Variants in ACAD11 observed in about 807,000 individuals in gnomAD.
ACAD11 encodes acyl-CoA dehydrogenase family member 11, also known as acyl-Coenzyme A dehydrogenase family, member 11.
Under a neutral mutation model 102.2 loss-of-function variants are expected in ACAD11, and 83 were observed. The ratio of observed to expected loss-of-function variants is 0.81; its 90% CI spans 0.68 to 0.97. The LOEUF (loss-of-function observed/expected upper bound fraction) is 0.97, where lower values mean the gene tolerates loss of function less well. Among genes scored for constraint, ACAD11 ranks in the 50% least tolerant of loss-of-function variants. ACAD11 has a pLI of 0.00. For missense variants in ACAD11, 901 were observed against 951.7 expected (o/e 0.95, Z 0.70); for synonymous variants, 324 against 319.8 (o/e 1.01, Z -0.14).
chr3:132,569,462 T>C (rs1937314522), intron 17 of ACAD11, among the ~76,000 whole-genome samples: 1 of 152,156 alleles, frequency 6.6e-6, no homozygotes, highest in South Asian at 2.1e-4. Context: ...GTAATTGCAC[T>C]CGTGGGCATT....
intron 1 of ACAD11, among the ~76,000 whole-genome samples, chr3:132,649,151 G>A (rs1940832943): frequency 6.6e-6 from 1 of 152,238 alleles, no homozygotes; most frequent in African/African-American, 2.4e-5. Flanking sequence ...CTCCCCATGT[G>A]ATAGTCTGAA....
intron 18 of ACAD11, 127 bp downstream of exon 18, chr3:132,560,974 A>C (rs2107776214): frequency 5.6e-6 from 4 of 712,640 alleles, no homozygotes; most frequent in South Asian, 5.2e-5. Context: ...TTTATAACCC[A>C]AAATCACATG....
At chr3:132,586,169 T>G (rs1044688814) in intron 13 of ACAD11, among the ~76,000 whole-genome samples, 1 of 152,138 alleles carries the variant, frequency 6.6e-6, no homozygotes, top group African/African-American at 2.4e-5. Flanking sequence ...CCATAAAAAA[T>G]GATGAGTTCA....
At chr3:132,641,076 T>C in intron 4 of ACAD11, among the ~76,000 whole-genome samples, 1 of 152,320 alleles carries the variant, frequency 6.6e-6, no homozygotes, top group East Asian at 1.9e-4. Context: ...TTACACTCTT[T>C]TATACCATTT....
intron 5 of ACAD11, among the ~76,000 whole-genome samples, chr3:132,632,302 G>A (rs1940080055): frequency 6.6e-6 from 1 of 151,984 alleles, no homozygotes; most frequent in South Asian, 2.1e-4. Flanking sequence ...CGCCAGGATG[G>A]TCTCGACCTC....
chr3:132,596,955 G>C (rs1012880149), intron 13 of ACAD11, among the ~76,000 whole-genome samples: 2 of 152,064 alleles, frequency 1.3e-5, no homozygotes, highest in African/African-American at 4.8e-5. Flanking sequence ...TATTTCTCTA[G>C]ATGCTACCTA....
At chr3:132,636,723 G>A (rs1226630613) in intron 5 of ACAD11, among the ~76,000 whole-genome samples, 1 of 152,086 alleles carries the variant, frequency 6.6e-6, no homozygotes, top group Non-Finnish European at 1.5e-5. Flanking sequence ...AATTTTCTTG[G>A]CAATGAGGCT....
Position 132,578,868 on chromosome 3 carries a change from T to C in ACAD11, c.1702A>G (p.Ser568Gly), listed in dbSNP as rs1483210759. The change falls in exon 15 of 20, where the codon AGC becomes GGC. Residue 568 changes from serine (S) to glycine (G), a missense_variant. Physicochemically the swap from Ser to Gly is moderately conservative, Grantham distance 56 (BLOSUM62 0). Coordinates refer to ENST00000264990, the MANE Select transcript of ACAD11 (RefSeq NM_032169.5). ...NTSLSRHKQH[S>G]MILVPMNTPG... Reference sequence around the variant, plus strand: ...GTGTTCATGGGAACAAGAATCATGCTGTGCTGTTTGTGTCTAGTCAAAAGA... The same window carrying C: ...GTGTTCATGGGAACAAGAATCATGCCGTGCTGTTTGTGTCTAGTCAAAAGA... The C allele has an allele frequency of 6.2e-7, 1 of 1,612,550 alleles. No individual in the cohort carries two copies. The highest frequency in any genetic ancestry group is 1.7e-5 in the Admixed American group (1 of 59,908).
At chr3:132,563,774 T>C (rs1412690484) in intron 17 of ACAD11, among the ~76,000 whole-genome samples, 3 of 152,328 alleles carry the variant, frequency 2.0e-5, no homozygotes, top group African/African-American at 7.2e-5. Flanking sequence ...GCACTTTTTT[T>C]CTCTTGTTTT....
intron 1 of ACAD11, among the ~76,000 whole-genome samples, chr3:132,645,657 G>A (rs1187008997): frequency 1.3e-5 from 2 of 152,130 alleles, no homozygotes; most frequent in Non-Finnish European, 2.9e-5. Flanking sequence ...TAAGGTAATA[G>A]GTAATAGGAG....
chr3:132,562,294 A>G (rs918195700), intron 17 of ACAD11, among the ~76,000 whole-genome samples: 1 of 151,996 alleles, frequency 6.6e-6, no homozygotes, highest in African/African-American at 2.4e-5. Flanking sequence ...TAGTAGAGAC[A>G]GGGTTTCACC....
At chr3:132,654,914 A>T (rs1187668588) in intron 1 of ACAD11, among the ~76,000 whole-genome samples, 1 of 152,214 alleles carries the variant, frequency 6.6e-6, no homozygotes, top group African/African-American at 2.4e-5. Flanking sequence ...ACCCGATAGG[A>T]CACACCTGAG....
intron 13 of ACAD11, among the ~76,000 whole-genome samples, chr3:132,588,033 T>C (rs1937918693): frequency 6.6e-6 from 1 of 152,082 alleles, no homozygotes; most frequent in South Asian, 2.1e-4. Flanking sequence ...GAGATCTGAG[T>C]TTTCTAAAGA....
intron 13 of ACAD11, among the ~76,000 whole-genome samples, chr3:132,583,744 G>A (rs987456534): frequency 6.6e-6 from 1 of 152,040 alleles, no homozygotes; most frequent in Non-Finnish European, 1.5e-5. Flanking sequence ...ATTCTGGTAT[G>A]TTGTGTCTTT....
At chr3:132,602,636 G>T (rs575538001) in intron 13 of ACAD11, among the ~76,000 whole-genome samples, 3 of 151,896 alleles carry the variant, frequency 2.0e-5, no homozygotes, top group Admixed American at 6.6e-5. Context: ...CAATTACATT[G>T]GTCAAAAATA....
intron 13 of ACAD11, among the ~76,000 whole-genome samples, chr3:132,585,720 G>T (rs983073494): frequency 1.3e-5 from 2 of 152,340 alleles, no homozygotes; most frequent in Middle Eastern, 3.4e-3. Flanking sequence ...CATTTATGCA[G>T]CCAAAAGACA....
chr3:132,637,663 T>C (rs1042983215), intron 5 of ACAD11, among the ~76,000 whole-genome samples: 3 of 152,166 alleles, frequency 2.0e-5, no homozygotes, highest in Non-Finnish European at 4.4e-5. Context: ...AAATCAACAT[T>C]TTCCAGGAAA....
intron 1 of ACAD11, among the ~76,000 whole-genome samples, chr3:132,652,664 G>GA (rs1404686534): frequency 1.3e-5 from 2 of 151,606 alleles, no homozygotes; most frequent in East Asian, 1.9e-4. Flanking sequence ...CAGATCATGA[G>GA]AAAAAAAATT....
At chr3:132,633,695 G>A (rs969291645) in intron 5 of ACAD11, among the ~76,000 whole-genome samples, 2 of 152,092 alleles carry the variant, frequency 1.3e-5, no homozygotes, top group African/African-American at 4.8e-5. Context: ...CATGGTACTG[G>A]TACTAAAACA....
Sources: gnomAD v4.1 joint callset for allele counts (sites outside exome capture counted in the v4.1 genomes callset) on GRCh38, gnomAD v4.1.1 for gene constraint, MANE v1.5 for transcripts, NCBI Gene and HGNC (gene_info 2026-07-23, HGNC 2026-07-21) for gene names.